Variants in NEDD9 observed in about 807,000 individuals in gnomAD.
NEDD9 encodes the protein enhancer of filamentation 1.
In NEDD9, 26 loss-of-function variants were observed where a neutral mutation model predicts 76.6. That is an observed-to-expected ratio of 0.34 (90% CI 0.25 to 0.47). The LOEUF (loss-of-function observed/expected upper bound fraction) is 0.47, where lower values mean the gene tolerates loss of function less well. Ranked by LOEUF, NEDD9 falls within the 20% of genes least tolerant of loss-of-function variation. The pLI is 1.00. For synonymous variants in NEDD9, 392 were observed against 414.2 expected (o/e 0.95, Z 0.65); for missense variants, 937 against 1,058.5 (o/e 0.89, Z 1.59).
intron 1 of NEDD9, among the ~76,000 whole-genome samples, chr6:11,335,713 C>CA (rs1399199344): frequency 1.3e-5 from 2 of 152,190 alleles, no homozygotes; most frequent in Admixed American, 6.5e-5. Flanking sequence ...CAGGAATAAA[C>CA]AAACTTATTT....
intron 3 of NEDD9, among the ~76,000 whole-genome samples, chr6:11,278,742 G>A (rs1760468772): frequency 6.6e-6 from 1 of 152,082 alleles, no homozygotes; most frequent in African/African-American, 2.4e-5. Context: ...CTCTTGCCTA[G>A]GCCAGTGAAA....
At chr6:11,267,395 A>C (rs1008101127) in intron 3 of NEDD9, among the ~76,000 whole-genome samples, 7 of 152,138 alleles carry the variant, frequency 4.6e-5, no homozygotes, top group African/African-American at 9.7e-5. Flanking sequence ...AAAAAAAAAA[A>C]AAACCACCAC....
rs749393060 is a variant in NEDD9, at chr6:11,189,934, G to T, written c.1905+30C>A. 18 of 1,509,270 alleles carry T rather than the reference G, an allele frequency of 1.2e-5. No individual in the cohort carries two copies. The African/African-American group carries it at 2.2e-4, about 19-fold the overall frequency. 93.5% of individuals were successfully genotyped at this position (1,509,270 alleles called of 1,614,324 possible). ...TCAGGCTCCCTGCATGTGAGTGAGTGTAGGTGTTTTATGAGTTCCGCTGTT... is the reference window on the plus strand; with the variant it reads ...TCAGGCTCCCTGCATGTGAGTGAGTTTAGGTGTTTTATGAGTTCCGCTGTT... On this transcript the variant is annotated intron_variant, in intron 5 of 6. Transcript: ENST00000379446.
At chr6:11,362,642 GT>G (rs1288005907) in intron 1 of NEDD9, among the ~76,000 whole-genome samples, 5 of 152,190 alleles carry the variant, frequency 3.3e-5, no homozygotes, top group African/African-American at 1.2e-4. Flanking sequence ...AGATATTTGT[GT>G]AGGTGTCAAA....
intron 2 of NEDD9, among the ~76,000 whole-genome samples, chr6:11,195,083 C>T (rs968555040): frequency 6.6e-6 from 1 of 152,206 alleles, no homozygotes; most frequent in Non-Finnish European, 1.5e-5. Flanking sequence ...AGGCTGCCTA[C>T]AGAACTATGT....
At chr6:11,342,526 AG>A in intron 1 of NEDD9, among the ~76,000 whole-genome samples, 1 of 152,358 alleles carries the variant, frequency 6.6e-6, no homozygotes, top group East Asian at 1.9e-4. Flanking sequence ...ACATCTTTGG[AG>A]ATGTAAAAAT....
chr6:11,262,481 T>C (rs1329426741), intron 3 of NEDD9, among the ~76,000 whole-genome samples: 1 of 152,026 alleles, frequency 6.6e-6, no homozygotes, highest in Non-Finnish European at 1.5e-5. Context: ...CTTTGGAGAG[T>C]AGAAGAGGGA....
chr6:11,364,506 C>G (rs1224897735), intron 1 of NEDD9, among the ~76,000 whole-genome samples: 1 of 152,098 alleles, frequency 6.6e-6, no homozygotes, highest in Non-Finnish European at 1.5e-5. Flanking sequence ...GAAGCTGATT[C>G]ATGGAGAGGT....
At chr6:11,280,548 C>G (rs1458006893) in intron 3 of NEDD9, among the ~76,000 whole-genome samples, 1 of 152,246 alleles carries the variant, frequency 6.6e-6, no homozygotes, top group African/African-American at 2.4e-5. Context: ...CTCCCCTGCT[C>G]TGCACCCCAG....
intron 2 of NEDD9, among the ~76,000 whole-genome samples, chr6:11,205,064 A>T (rs1389793439): frequency 6.6e-6 from 1 of 152,222 alleles, no homozygotes; most frequent in Non-Finnish European, 1.5e-5. Flanking sequence ...TTCTTCTTTA[A>T]GGGCTTGGCA....
chr6:11,268,993 A>G (rs1312720626), intron 3 of NEDD9, among the ~76,000 whole-genome samples: 1 of 152,226 alleles, frequency 6.6e-6, no homozygotes, highest in Non-Finnish European at 1.5e-5. Flanking sequence ...ATTTCTTATT[A>G]CGTAAAAGTG....
chr6:11,316,849 A>G (rs983188890), intron 2 of NEDD9, among the ~76,000 whole-genome samples: 1 of 152,220 alleles, frequency 6.6e-6, no homozygotes, highest in Non-Finnish European at 1.5e-5. Flanking sequence ...GTTGGTAATA[A>G]ATGTCTCCTG....
Position 11,354,117 on chromosome 6 carries a change from T to C in NEDD9, c.-213-19556A>G, listed in dbSNP as rs1004669911. On this transcript the variant is annotated intron_variant, in intron 1 of 3. Coordinates refer to the NEDD9 transcript ENST00000397378. ...AGCTGTGTCAGAACTTGCCAGGCAATGTGAAATACTGTGGTTTGAACAAAG... is the reference window on the plus strand; with the variant it reads ...AGCTGTGTCAGAACTTGCCAGGCAACGTGAAATACTGTGGTTTGAACAAAG... Among the ~76,000 whole-genome samples the C allele has an allele frequency of 1.6e-4, 24 of 152,266 alleles. No homozygotes were observed. The South Asian group carries it at 1.7e-3, about 11-fold the overall frequency.
At chr6:11,341,795 C>G (rs1255274291) in intron 1 of NEDD9, among the ~76,000 whole-genome samples, 1 of 152,008 alleles carries the variant, frequency 6.6e-6, no homozygotes, top group African/African-American at 2.4e-5. Flanking sequence ...TAAAAACCAA[C>G]AAAAACCATA....
intron 3 of NEDD9, among the ~76,000 whole-genome samples, chr6:11,258,172 T>C (rs1760041877): frequency 6.6e-6 from 1 of 152,190 alleles, no homozygotes; most frequent in African/African-American, 2.4e-5. Context: ...CATAGCATAC[T>C]TAAGAGTTGA....
intron 6 of NEDD9, among the ~76,000 whole-genome samples, chr6:11,187,435 T>C (rs1227452875): frequency 6.6e-6 from 1 of 152,216 alleles, no homozygotes; most frequent in Non-Finnish European, 1.5e-5. Context: ...GGCCTGGATA[T>C]ATGTTGAAAA....
At chr6:11,380,121 C>T (rs1763035979) in intron 1 of NEDD9, among the ~76,000 whole-genome samples, 1 of 152,200 alleles carries the variant, frequency 6.6e-6, no homozygotes, top group African/African-American at 2.4e-5. Context: ...CACTACAACC[C>T]TTGAATGGAT....
intron 6 of NEDD9, among the ~76,000 whole-genome samples, chr6:11,187,553 G>A (rs750255744): frequency 2.0e-5 from 3 of 152,190 alleles, no homozygotes; most frequent in Non-Finnish European, 4.4e-5. Flanking sequence ...CAGAAAGAGA[G>A]AGAGAGAGAG....
chr6:11,212,710 A>G (rs1337500342), intron 2 of NEDD9, among the ~76,000 whole-genome samples: 3 of 152,220 alleles, frequency 2.0e-5, no homozygotes, highest in African/African-American at 7.2e-5. Context: ...GCTTCATTCC[A>G]ATTCCACTAG....
Sources: allele counts gnomAD v4.1 joint callset (sites outside exome capture counted in the v4.1 genomes callset), GRCh38; gene constraint gnomAD v4.1.1; transcripts MANE v1.5; gene names NCBI Gene and HGNC (gene_info 2026-07-23, HGNC 2026-07-21).